The following RABL3 variants were observed in gnomAD, a reference collection of about 807,000 sequenced individuals.
The protein encoded by RABL3 is rab-like protein 3.
In RABL3, 31 loss-of-function variants were observed where a neutral mutation model predicts 31.8. That is an observed-to-expected ratio of 0.97 (90% CI 0.73 to 1.31). RABL3 has a LOEUF of 1.31. Ranked by LOEUF, RABL3 falls within the 40% of genes most tolerant of loss-of-function variation. The pLI is 0.00. For synonymous variants in RABL3, 97 were observed against 99.9 expected (o/e 0.97, Z 0.18); for missense variants, 263 against 279.6 (o/e 0.94, Z 0.42).
chr3:120,724,012 C>T (rs986945615), intron 2 of RABL3, among the ~76,000 whole-genome samples: 87 of 152,192 alleles, frequency 5.7e-4, no homozygotes, highest in African/African-American at 1.6e-3. Context: ...TCAAATTGTC[C>T]CTGTTTGCAG....
chr3:120,733,724 A>T (rs1259816516), intron 1 of RABL3, among the ~76,000 whole-genome samples: 7 of 152,136 alleles, frequency 4.6e-5, no homozygotes, highest in African/African-American at 1.7e-4. Context: ...TCTTGAATTA[A>T]TTTTTGTATA....
In RABL3 at chr3:120,698,569, A is replaced by G. The variant is rs979573415; in HGVS notation, c.388T>C (p.Tyr130His). The stretch of plus-strand genomic sequence containing the variant: ...TTATCAGCAAACTGTTCTTGATCAT[A>G]ATCCCTGTGATAAATAATAATGAAG... ...PTGVLVTNGD[Y>H]DQEQFADNQI... Residue 130 changes from tyrosine (Y) to histidine (H), a missense_variant, in exon 5 of 8, where the codon TAT becomes CAT. Tyr to His is a moderately conservative substitution (Grantham distance 83). Transcript: ENST00000273375. 2.3e-5 allele frequency: 37 copies of G among 1,608,058 alleles called. No individual in the cohort carries two copies. In the Admixed American group the frequency reaches 5.7e-4, roughly 25 times the overall value.
chr3:120,729,419 A>T (rs1708857702), intron 2 of RABL3, among the ~76,000 whole-genome samples: 1 of 152,206 alleles, frequency 6.6e-6, no homozygotes, highest in Non-Finnish European at 1.5e-5. Flanking sequence ...CATCTTAAAG[A>T]ATTACAAGCC....
chr3:120,735,728 G>T (rs1708952336), intron 1 of RABL3, among the ~76,000 whole-genome samples: 1 of 152,194 alleles, frequency 6.6e-6, no homozygotes, highest in African/African-American at 2.4e-5. Context: ...GTGTCCCAGA[G>T]ATTCTGGTAT....
At chr3:120,737,587 G>A (rs1421248831) in intron 1 of RABL3, among the ~76,000 whole-genome samples, 2 of 152,292 alleles carry the variant, frequency 1.3e-5, no homozygotes, top group East Asian at 1.9e-4. Flanking sequence ...TCTTTGCAGG[G>A]GGAGAGGTGC....
chr3:120,730,996 G>A (rs774737594), intron 1 of RABL3, among the ~76,000 whole-genome samples: 2 of 152,214 alleles, frequency 1.3e-5, no homozygotes, highest in Non-Finnish European at 2.9e-5. Flanking sequence ...CGGAGGGTGA[G>A]TTAAAACATG....
intron 6 of RABL3, among the ~76,000 whole-genome samples, chr3:120,692,667 C>CT (rs1021977676): frequency 1.1e-4 from 17 of 152,212 alleles, no homozygotes; most frequent in African/African-American, 4.1e-4. Flanking sequence ...GAGAAGTTAC[C>CT]TTTTTGGTTT....
rs995222001 is a variant in RABL3, at chr3:120,686,883, T to C, written c.*2940A>G. On this transcript the variant is annotated 3_prime_UTR_variant, in exon 8 of 8. Coordinates refer to ENST00000273375, the MANE Select transcript of RABL3 (RefSeq NM_173825.5). Reference sequence around the variant, plus strand: ...CAAGTCCTATTTGTCCAGATTCTTCTTGGTGTCTCTGTATCTGTGAGGATA... The same window carrying C: ...CAAGTCCTATTTGTCCAGATTCTTCCTGGTGTCTCTGTATCTGTGAGGATA... 6 of 152,244 alleles carry C rather than the reference T, an allele frequency of 3.9e-5. No individual in the cohort carries two copies. Among genetic ancestry groups the C allele is most frequent in the African/African-American group, 1.2e-4 (5 of 41,474 alleles). The allele number at this position is 152,244 out of a possible 1,614,324, so 9.4% of individuals were successfully genotyped here. A position where few individuals can be genotyped will look rare whatever the true frequency, so the allele number is the denominator to read the frequency against.
In RABL3 at chr3:120,719,996, GAACAA is replaced by G. The variant is rs1417168023; in HGVS notation, c.139-10092_139-10088del. 5.1e-4 allele frequency among the ~76,000 whole-genome samples: 77 copies of G among 152,264 alleles called. 1 individual carries two copies. The highest frequency in any genetic ancestry group is 1.9e-3 in the Admixed American group (29 of 15,304). On this transcript the variant is annotated intron_variant, in intron 2 of 7. Transcript: ENST00000273375. ...CTCCTCTGAGACAAAACTTCCAGAGGAACAATCAGGCAGCAACATTTGCTGTTCAC... is the reference window on the plus strand; with the variant it reads ...CTCCTCTGAGACAAAACTTCCAGAGGTCAGGCAGCAACATTTGCTGTTCAC...
At chr3:120,736,177 C>G (rs993171260) in intron 1 of RABL3, among the ~76,000 whole-genome samples, 1 of 152,152 alleles carries the variant, frequency 6.6e-6, no homozygotes, top group Admixed American at 6.5e-5. Context: ...GCGTGGGAGT[C>G]TAAGTGTCTT....
intron 2 of RABL3, among the ~76,000 whole-genome samples, chr3:120,720,616 G>A (rs1052974372): frequency 3.3e-4 from 50 of 152,142 alleles, no homozygotes; most frequent in African/African-American, 1.1e-3. Flanking sequence ...GAAATGAAGC[G>A]AGAAGATAAT....
At chr3:120,717,159 G>A (rs897038845) in intron 2 of RABL3, among the ~76,000 whole-genome samples, 11 of 152,116 alleles carry the variant, frequency 7.2e-5, no homozygotes, top group Admixed American at 5.2e-4. Context: ...GGGAGGCTGA[G>A]GCAGGAGAAT....
intron 1 of RABL3, among the ~76,000 whole-genome samples, chr3:120,741,309 G>A (rs1709039988): frequency 6.6e-6 from 1 of 152,136 alleles, no homozygotes; most frequent in Non-Finnish European, 1.5e-5. Context: ...CTTTCTTAGG[G>A]GAATATTAAA....
intron 1 of RABL3, among the ~76,000 whole-genome samples, chr3:120,741,616 G>C (rs747331391): frequency 6.6e-6 from 1 of 152,098 alleles, no homozygotes; most frequent in Non-Finnish European, 1.5e-5. Context: ...AAATCCAGAC[G>C]CCAGCTGTAG....
At chr3:120,696,354 A>G (rs1708436710) in intron 5 of RABL3, among the ~76,000 whole-genome samples, 1 of 151,950 alleles carries the variant, frequency 6.6e-6, no homozygotes, top group Non-Finnish European at 1.5e-5. Flanking sequence ...TCTGATTGCT[A>G]TTTCTTTTTG....
intron 2 of RABL3, among the ~76,000 whole-genome samples, chr3:120,723,285 A>G (rs973842442): frequency 2.6e-5 from 4 of 152,166 alleles, no homozygotes; most frequent in Admixed American, 1.3e-4. Flanking sequence ...ATAACAGGCT[A>G]GGAAATTGGG....
At chr3:120,691,477 C>G (rs893326443) in intron 6 of RABL3, among the ~76,000 whole-genome samples, 1 of 152,076 alleles carries the variant, frequency 6.6e-6, no homozygotes, top group African/African-American at 2.4e-5. Flanking sequence ...TTACATGAGC[C>G]ATTCACAACT....
At chr3:120,716,575 C>G (rs753712707) in intron 2 of RABL3, among the ~76,000 whole-genome samples, 7 of 151,328 alleles carry the variant, frequency 4.6e-5, no homozygotes, top group Admixed American at 6.6e-5. Context: ...TGTAACAAAC[C>G]TGCACATTGT....
chr3:120,742,647 G>T, upstream of RABL3: 2 of 829,878 alleles, frequency 2.4e-6, no homozygotes, highest in Non-Finnish European at 4.0e-6. Context: ...GAACTCATTG[G>T]CTGGTCTGGT....
Sources: gnomAD v4.1 joint callset for allele counts (sites outside exome capture counted in the v4.1 genomes callset) on GRCh38, gnomAD v4.1.1 for gene constraint, MANE v1.5 for transcripts, NCBI Gene and HGNC (gene_info 2026-07-23, HGNC 2026-07-21) for gene names.